The following GALNT11 variants were observed in gnomAD, a reference collection of about 807,000 sequenced individuals.
The protein encoded by GALNT11 is polypeptide N-acetylgalactosaminyltransferase 11, also known as UDP-GalNAc:polypeptide N-acetylgalactosaminyltransferase 11.
GALNT11 carries 47 observed loss-of-function variants against 72.7 expected under a neutral mutation model. The ratio of observed to expected loss-of-function variants is 0.65; its 90% CI spans 0.51 to 0.82. The LOEUF is 0.82. GALNT11 is among the 40% of genes least tolerant of loss of function. GALNT11 has a pLI of 0.00. For missense variants in GALNT11, 677 were observed against 778.4 expected, an observed-to-expected ratio of 0.87 and a Z score of 1.55; for synonymous variants, 270 against 286.6, an observed-to-expected ratio of 0.94 and a Z score of 0.58.
chr7:152,092,038 A>G (rs1376740347), intron 1 of GALNT11, among the ~76,000 whole-genome samples: 2 of 152,156 alleles, frequency 1.3e-5, no homozygotes, highest in African/African-American at 2.4e-5. Context: ...GGACCTTGCT[A>G]TATGGATGAA....
intron 1 of GALNT11, among the ~76,000 whole-genome samples, chr7:152,046,512 T>G (rs1393267946): frequency 6.6e-6 from 1 of 152,206 alleles, no homozygotes; most frequent in Non-Finnish European, 1.5e-5. Context: ...TCACAGTTGT[T>G]ATAGTCTCTT....
intron 1 of GALNT11, among the ~76,000 whole-genome samples, chr7:152,051,202 T>TG (rs199802819): frequency 8.7e-6 from 1 of 115,324 alleles, no homozygotes; most frequent in African/African-American, 5.9e-5. Context: ...TCTGGTTGTT[T>TG]TTTTTTTTTT....
chr7:152,101,649 G>GT (rs2086910333), intron 3 of GALNT11, among the ~76,000 whole-genome samples: 1 of 146,530 alleles, frequency 6.8e-6, no homozygotes, highest in Admixed American at 6.8e-5. Flanking sequence ...TTTTGGGGGG[G>GT]GGGGGATGGA....
At chr7:152,103,425 G>A in intron 4 of GALNT11, 147 bp downstream of exon 4, 2 of 720,976 alleles carry the variant, frequency 2.8e-6, no homozygotes, top group Non-Finnish European at 4.3e-6. Context: ...AAATAAGTCT[G>A]AAGAAATCCA....
At chr7:152,076,242 A>T (rs554036390) in intron 1 of GALNT11, among the ~76,000 whole-genome samples, 1 of 152,072 alleles carries the variant, frequency 6.6e-6, no homozygotes, top group East Asian at 1.9e-4. Context: ...TCTTTATTAG[A>T]TTTTTCATTT....
intron 4 of GALNT11, chr7:152,104,059 A>T (rs140899200): frequency 6.6e-6 from 1 of 152,376 alleles, no homozygotes; most frequent in East Asian, 1.9e-4. Flanking sequence ...AATTCAACAT[A>T]GACTCTTGCT....
At chr7:152,090,313 T>C (rs2085928914) in intron 1 of GALNT11, among the ~76,000 whole-genome samples, 1 of 152,226 alleles carries the variant, frequency 6.6e-6, no homozygotes, top group Admixed American at 6.5e-5. Flanking sequence ...TTGTTTTATT[T>C]TCATTTTCTA....
intron 8 of GALNT11, among the ~76,000 whole-genome samples, chr7:152,114,824 G>T (rs868109891): frequency 9.9e-5 from 15 of 152,150 alleles, no homozygotes; most frequent in Middle Eastern, 3.4e-3. Context: ...ACCACGCCTG[G>T]TTGCTGCTGT....
chr7:152,055,768 T>C (rs986498254), intron 1 of GALNT11, among the ~76,000 whole-genome samples: 4 of 152,064 alleles, frequency 2.6e-5, no homozygotes, highest in Non-Finnish European at 5.9e-5. Flanking sequence ...AAGATTGGAC[T>C]TCTAAAATCT....
At chr7:152,117,536 C>T (rs1027774697) in intron 9 of GALNT11, 161 bp downstream of exon 9, 13 of 703,212 alleles carry the variant, frequency 1.8e-5, no homozygotes, top group African/African-American at 7.2e-5. Flanking sequence ...AACTTCTCTA[C>T]GCAAGTGTAG....
chr7:152,099,544 T>TG (rs1162161208), intron 2 of GALNT11, among the ~76,000 whole-genome samples: 5 of 134,738 alleles, frequency 3.7e-5, no homozygotes, highest in Non-Finnish European at 6.4e-5. Context: ...TTTTTTTTTT[T>TG]TTTTTTTTTT....
chr7:152,099,530 G>GTTTT lies in GALNT11; in HGVS notation c.296-1242_296-1239dup, dbSNP rs1009548038. On this transcript the variant is annotated intron_variant, in intron 2 of 11. Coordinates refer to ENST00000430044, the MANE Select transcript of GALNT11 (RefSeq NM_022087.4). ...GGGAATGCACCACCACTCCCGCCTA[G>GTTTT]TTTTTTTTTTTTTTTTTTTTTTTTT... Among the ~76,000 whole-genome samples the GTTTT allele has an allele frequency of 3.1e-4, 18 of 57,782 alleles. 1 individual carries two copies. The highest frequency in any genetic ancestry group is 3.8e-4 in the Non-Finnish European group (12 of 31,358). 37.9% of individuals were successfully genotyped at this position (57,782 alleles called of 152,430 possible).
chr7:152,106,469 C>T (rs965206517), intron 5 of GALNT11, among the ~76,000 whole-genome samples: 1 of 152,190 alleles, frequency 6.6e-6, no homozygotes, highest in African/African-American at 2.4e-5. Context: ...AGAGAAGCAG[C>T]TCCTCTACAT....
chr7:152,076,820 G>A (rs915479239), intron 1 of GALNT11, among the ~76,000 whole-genome samples: 1 of 152,246 alleles, frequency 6.6e-6, no homozygotes, highest in African/African-American at 2.4e-5. Flanking sequence ...CTAGGATCTG[G>A]TGATTTGCCA....
intron 1 of GALNT11, among the ~76,000 whole-genome samples, chr7:152,053,205 T>C (rs2083482908): frequency 6.6e-6 from 1 of 152,230 alleles, no homozygotes; most frequent in Non-Finnish European, 1.5e-5. Flanking sequence ...CCTTTTTGCA[T>C]GCAGAACAAG....
At chr7:152,031,992 T>C (rs1029579890) in intron 1 of GALNT11, among the ~76,000 whole-genome samples, 5 of 152,164 alleles carry the variant, frequency 3.3e-5, no homozygotes, top group African/African-American at 1.2e-4. Flanking sequence ...TTGCCAAGGG[T>C]CCTGGTCCCT....
intron 1 of GALNT11, among the ~76,000 whole-genome samples, chr7:152,083,478 C>G (rs190376350): frequency 8.9e-4 from 136 of 152,202 alleles, no homozygotes; most frequent in African/African-American, 3.3e-3. Flanking sequence ...TTATTTATAG[C>G]AAACATATTA....
chr7:152,052,925 T>A (rs2083469435), intron 1 of GALNT11, among the ~76,000 whole-genome samples: 1 of 152,244 alleles, frequency 6.6e-6, no homozygotes, highest in African/African-American at 2.4e-5. Flanking sequence ...GTGGTCCCTG[T>A]CACTAAGGCT....
intron 1 of GALNT11, among the ~76,000 whole-genome samples, chr7:152,066,035 A>G (rs1034219242): frequency 5.1e-4 from 77 of 152,350 alleles, no homozygotes; most frequent in African/African-American, 1.7e-3. Context: ...CCCTGCCCCC[A>G]GAGGTGGAGT....
Sources: gnomAD v4.1 joint callset for allele counts (sites outside exome capture counted in the v4.1 genomes callset) on GRCh38, gnomAD v4.1.1 for gene constraint, MANE v1.5 for transcripts, NCBI Gene and HGNC (gene_info 2026-07-23, HGNC 2026-07-21) for gene names.